NAALADL2: variants seen among roughly 807,000 people sequenced by gnomAD.
NAALADL2 encodes inactive N-acetylated-alpha-linked acidic dipeptidase-like protein 2.
Under a neutral mutation model 87.2 loss-of-function variants are expected in NAALADL2, and 76 were observed. That is an observed-to-expected ratio of 0.87 (90% CI 0.72 to 1.05). NAALADL2 has a LOEUF of 1.05. Among genes scored for constraint, NAALADL2 ranks in the 50% least tolerant of loss-of-function variants. NAALADL2 has a pLI of 0.00. For synonymous variants in NAALADL2, 354 were observed against 331.0 expected (o/e 1.07, Z -0.75); for missense variants, 1,089 against 945.8 (o/e 1.15, Z -1.99).
intron 13 of NAALADL2, among the ~76,000 whole-genome samples, chr3:175,759,420 C>A (rs956717635): frequency 4.7e-5 from 7 of 150,160 alleles, no homozygotes; most frequent in Non-Finnish European, 1.0e-4. Flanking sequence ...TGCAGTGGCA[C>A]AATCTCGGCT....
At chr3:175,464,987 A>C (rs911801424) in intron 7 of NAALADL2, among the ~76,000 whole-genome samples, 1 of 152,226 alleles carries the variant, frequency 6.6e-6, no homozygotes, top group African/African-American at 2.4e-5. Context: ...TTCACTGTAC[A>C]AAATAAACTC....
chr3:175,174,928 C>A (rs976619668), intron 2 of NAALADL2, among the ~76,000 whole-genome samples: 1 of 152,034 alleles, frequency 6.6e-6, no homozygotes, highest in African/African-American at 2.4e-5. Context: ...GACCATTAAT[C>A]TTCTTGTACA....
chr3:175,097,987 G>A (rs1721448217), intron 2 of NAALADL2, among the ~76,000 whole-genome samples: 2 of 152,266 alleles, frequency 1.3e-5, no homozygotes, highest in South Asian at 4.1e-4. Flanking sequence ...TTACAGCCAA[G>A]ATGTTGGCAG....
chr3:175,366,421 G>A (rs1445144177), intron 5 of NAALADL2, among the ~76,000 whole-genome samples: 10 of 151,768 alleles, frequency 6.6e-5, no homozygotes, highest in Admixed American at 5.9e-4. Context: ...CTAGATCCCT[G>A]AGAAATCGCC....
chr3:175,710,321 T>C (rs988452957), intron 11 of NAALADL2, among the ~76,000 whole-genome samples: 1 of 151,956 alleles, frequency 6.6e-6, no homozygotes, highest in Non-Finnish European at 1.5e-5. Flanking sequence ...AAGATTTTTA[T>C]TGTGAAGTAG....
At chr3:175,363,354 A>G (rs769417547) in intron 5 of NAALADL2, among the ~76,000 whole-genome samples, 2 of 147,646 alleles carry the variant, frequency 1.4e-5, no homozygotes, top group African/African-American at 4.9e-5. Context: ...TTTATTTCGT[A>G]TTATGGCTTT....
intron 3 of NAALADL2, among the ~76,000 whole-genome samples, chr3:174,787,951 C>T (rs1236444921): frequency 7.9e-5 from 12 of 151,680 alleles, no homozygotes; most frequent in Non-Finnish European, 1.5e-5. Context: ...AACAAAACAC[C>T]AAGTTAGCAG....
intron 13 of NAALADL2, among the ~76,000 whole-genome samples, chr3:175,799,260 T>G (rs567424735): frequency 2.2e-4 from 33 of 152,204 alleles, no homozygotes; most frequent in African/African-American, 7.5e-4. Flanking sequence ...TGAAAAATGA[T>G]TAATTTTTTA....
At chr3:175,202,756 T>A (rs1740235009) in intron 2 of NAALADL2, among the ~76,000 whole-genome samples, 1 of 152,026 alleles carries the variant, frequency 6.6e-6, no homozygotes, top group Admixed American at 6.6e-5. Flanking sequence ...GGGCTAAGTG[T>A]GTCTGAGCTC....
intron 13 of NAALADL2, among the ~76,000 whole-genome samples, chr3:175,795,173 A>C (rs890246226): frequency 5.3e-5 from 8 of 152,218 alleles, no homozygotes; most frequent in African/African-American, 1.9e-4. Context: ...GCAGGAACAC[A>C]AACATTCAGT....
intron 5 of NAALADL2, among the ~76,000 whole-genome samples, chr3:175,440,696 G>C (rs1719580435): frequency 6.6e-6 from 1 of 152,052 alleles, no homozygotes; most frequent in Non-Finnish European, 1.5e-5. Context: ...GGTTGCTGTT[G>C]GTGTATAGCA....
intron 10 of NAALADL2, among the ~76,000 whole-genome samples, chr3:175,622,370 G>A (rs1250797951): frequency 2.0e-5 from 3 of 152,028 alleles, no homozygotes; most frequent in African/African-American, 7.2e-5. Flanking sequence ...ATTGATATAC[G>A]TGACGAATTT....
At chr3:175,667,845 CTGTT>C (rs1345746998) in intron 11 of NAALADL2, among the ~76,000 whole-genome samples, 1 of 147,894 alleles carries the variant, frequency 6.8e-6, no homozygotes, top group Non-Finnish European at 1.5e-5. Context: ...CTGAGAATGT[CTGTT>C]TGAATTGTTC....
chr3:174,888,463 C>G (rs181961716), intron 1 of NAALADL2, among the ~76,000 whole-genome samples: 3 of 152,284 alleles, frequency 2.0e-5, no homozygotes, highest in African/African-American at 4.8e-5. Flanking sequence ...GCTCACTTCA[C>G]GCAAAGTTGA....
intron 11 of NAALADL2, among the ~76,000 whole-genome samples, chr3:175,652,623 C>A (rs541623356): frequency 2.0e-5 from 3 of 151,666 alleles, no homozygotes; most frequent in East Asian, 1.9e-4. Context: ...GGACTACAGG[C>A]GCCCACCACC....
intron 1 of NAALADL2, among the ~76,000 whole-genome samples, chr3:174,863,578 GA>G (rs535994765): frequency 8.4e-5 from 12 of 142,988 alleles, no homozygotes; most frequent in South Asian, 7.5e-4. Flanking sequence ...ATAAGTAAAA[GA>G]AAAAAAAAAC....
chr3:174,445,817 G>C (rs549298625), intron 1 of NAALADL2, among the ~76,000 whole-genome samples: 1 of 152,056 alleles, frequency 6.6e-6, no homozygotes, highest in Non-Finnish European at 1.5e-5. Flanking sequence ...AAAAACATGC[G>C]ATTATATGAG....
At chr3:175,256,563 T>A (rs749607660) in intron 4 of NAALADL2, 33 bp downstream of exon 4, 2 of 1,598,792 alleles carry the variant, frequency 1.3e-6, no homozygotes, top group South Asian at 2.3e-5. Context: ...AGTGGTTTGG[T>A]CAATATTTTG....
At chr3:175,218,509 T>G (rs1296178720) in intron 2 of NAALADL2, among the ~76,000 whole-genome samples, 3 of 148,668 alleles carry the variant, frequency 2.0e-5, no homozygotes, top group African/African-American at 7.9e-5. Flanking sequence ...CAGCAAAGTA[T>G]ACAAACCTTA....
Sources: allele counts gnomAD v4.1 joint callset (sites outside exome capture counted in the v4.1 genomes callset), GRCh38; gene constraint gnomAD v4.1.1; transcripts MANE v1.5; gene names NCBI Gene and HGNC (gene_info 2026-07-23, HGNC 2026-07-21).